Variants in WNK2 observed in about 807,000 individuals in gnomAD.
The protein encoded by WNK2 is WNK lysine deficient protein kinase 2, also known as serine/threonine-protein kinase WNK2.
Under a neutral mutation model 192.1 loss-of-function variants are expected in WNK2, and 67 were observed. The observed-to-expected ratio is 0.35, with a 90% CI of 0.29 to 0.43. The LOEUF (loss-of-function observed/expected upper bound fraction) is 0.43. WNK2 is among the 20% of genes least tolerant of loss of function. The probability of loss-of-function intolerance (pLI) is 1.00; values close to 1 mark genes in which losing one functional copy is unlikely to be tolerated. For synonymous variants in WNK2, 1,439 were observed against 1,393.9 expected (o/e 1.03, Z -0.72); for missense variants, 2,698 against 3,089.7 (o/e 0.87, Z 3.01).
chr9:93,198,268 C>CT (rs1369948334), intron 2 of WNK2, among the ~76,000 whole-genome samples: 1 of 152,246 alleles, frequency 6.6e-6, no homozygotes, highest in Non-Finnish European at 1.5e-5. Flanking sequence ...TGCCCCGCCT[C>CT]TGAGTTAGGT....
chr9:93,201,590 T>C (rs1832365417), intron 2 of WNK2, among the ~76,000 whole-genome samples: 1 of 152,156 alleles, frequency 6.6e-6, no homozygotes, highest in Admixed American at 6.5e-5. Flanking sequence ...CCAGGTTGGA[T>C]GTGTCTGAGG....
intron 2 of WNK2, among the ~76,000 whole-genome samples, chr9:93,190,082 C>T (rs1830054951): frequency 6.6e-6 from 1 of 152,250 alleles, no homozygotes; most frequent in Non-Finnish European, 1.5e-5. Flanking sequence ...TGGATGCCAG[C>T]ACTGAATTTG....
At position 93,289,525 on chromosome 9, in the gene WNK2, G is replaced by T; in HGVS notation, c.4771G>T (p.Asp1591Tyr). The T allele has an allele frequency of 6.3e-7, 1 of 1,597,622 alleles. No homozygotes were observed. The part of the protein sequence containing the change: ...RDFTLEPLRG[D>Y]QPRSEVCGGD... ...CTTCACCCTGGAGCCCCTGAGAGGG[G>T]ACCAGCCCCGCTCAGAGGTCTGCGG... Residue 1591 changes from aspartate to tyrosine, a missense_variant, in exon 20 of 30, where the codon GAC (aspartate) becomes TAC (tyrosine). By Grantham distance (160) the Asp-to-Tyr change is radical. Coordinates refer to ENST00000427277, the MANE Select transcript of WNK2 (RefSeq NM_006648.4).
In WNK2 at chr9:93,247,831, G is replaced by A; in HGVS notation, c.1831G>A (p.Ala611Thr). 1 of 1,537,018 alleles carries A rather than the reference G, an allele frequency of 6.5e-7. No individual in the cohort carries two copies. Among genetic ancestry groups the A allele is most frequent in the Non-Finnish European group, 8.7e-7 (1 of 1,147,040 alleles). Residue 611 changes from alanine (A) to threonine (T), a missense_variant, in exon 8 of 30, where the codon GCC becomes ACC. Physicochemically the swap from Ala to Thr is moderately conservative, Grantham distance 58. Coordinates refer to ENST00000427277, the MANE Select transcript of WNK2 (RefSeq NM_006648.4). The surrounding 1 kb of genome is among the most constrained non-coding windows in gnomAD (Gnocchi z 5.2). ...PTLPTSATSLASDSTFDSGQG... is the reference protein window; with the variant it reads ...PTLPTSATSLTSDSTFDSGQG... ...GTTGCCGACCAGCGCCACCTCCCTG[G>A]CCTGTGAGTGCTCAGGGGTGGGATG...
intron 16 of WNK2, among the ~76,000 whole-genome samples, chr9:93,265,284 A>G (rs1344315335): frequency 2.6e-5 from 4 of 152,196 alleles, no homozygotes; most frequent in Non-Finnish European, 5.9e-5. Context: ...AAAATAGCTA[A>G]GAGGAGACAT....
At chr9:93,234,607 A>G (rs1564051486) in intron 4 of WNK2, among the ~76,000 whole-genome samples, 1 of 152,126 alleles carries the variant, frequency 6.6e-6, no homozygotes, top group Non-Finnish European at 1.5e-5. Context: ...TCCAGGTGGA[A>G]CTTTTGGAAC....
intron 29 of WNK2, chr9:93,318,405 G>C: frequency 6.2e-7 from 1 of 1,614,088 alleles, no homozygotes; most frequent in Non-Finnish European, 8.5e-7. Flanking sequence ...GGCTCATCCA[G>C]GGGCTGAGAG....
rs182981894 is a variant in WNK2, at chr9:93,260,708, G to A, written c.3066+1094G>A. On this transcript the variant is annotated intron_variant, in intron 12 of 29. Transcript: ENST00000427277. ...AGGAAGGGATGGTACATATTGGATAGCAGGGTGGTGTTTGATTAGACAGTG... is the reference window on the plus strand; with the variant it reads ...AGGAAGGGATGGTACATATTGGATAACAGGGTGGTGTTTGATTAGACAGTG... Among the ~76,000 whole-genome samples the A allele has an allele frequency of 1.8e-3, 278 of 152,366 alleles. 1 individual carries two copies. The highest frequency in any genetic ancestry group is 5.9e-3 in the African/African-American group (247 of 41,586).
At chr9:93,290,092 G>C (rs940840263) in intron 21 of WNK2, 45 bp downstream of exon 21, 2 of 1,530,400 alleles carry the variant, frequency 1.3e-6, no homozygotes. Flanking sequence ...GTGCTGCCTG[G>C]CTTCCTTGCC....
intron 29 of WNK2, 28 bp from the exon 30 acceptor site, chr9:93,320,339 C>T (rs1855305500): frequency 7.3e-7 from 1 of 1,367,444 alleles, no homozygotes; most frequent in Non-Finnish European, 9.8e-7. Flanking sequence ...GGTGGGCCCA[C>T]AGTCAGCTGC....
At chr9:93,210,978 T>C (rs1467263304) in intron 2 of WNK2, among the ~76,000 whole-genome samples, 1 of 151,666 alleles carries the variant, frequency 6.6e-6, no homozygotes, top group African/African-American at 2.4e-5. Context: ...CTCCCTCCCT[T>C]CTTCACTGAC....
intron 8 of WNK2, among the ~76,000 whole-genome samples, chr9:93,250,115 A>G (rs1206245897): frequency 7.9e-5 from 12 of 151,900 alleles, no homozygotes; most frequent in Non-Finnish European, 1.6e-4. Flanking sequence ...ATAATACAAA[A>G]CAATAATAAA....
chr9:93,258,916 CTG>C lies in WNK2; in HGVS notation c.2383-11_2383-10del, dbSNP rs757157019. The C allele has an allele frequency of 6.2e-7, 1 of 1,603,112 alleles. No homozygotes were observed. Among genetic ancestry groups the C allele is most frequent in the South Asian group, 1.1e-5 (1 of 89,630 alleles). On this transcript the variant is annotated splice_polypyrimidine_tract_variant and intron_variant, in intron 11 of 29. Transcript: ENST00000427277. ...GGTTGGGGCCCACACTGACACACTC[CTG>C]TGTCTCTTTCAGATGCCCCCGATTC...
chr9:93,319,041 C>G, intron 29 of WNK2: 1 of 1,561,704 alleles, frequency 6.4e-7, no homozygotes, highest in Non-Finnish European at 8.7e-7. Flanking sequence ...TAAGAGATTT[C>G]TGTTCTCTGT....
chr9:93,232,964 CAAAA>C (rs71511650), intron 4 of WNK2, among the ~76,000 whole-genome samples: 4 of 81,976 alleles, frequency 4.9e-5, no homozygotes, highest in African/African-American at 1.5e-4. Flanking sequence ...CCTGTCTCTA[CAAAA>C]AAAAAAAAAA....
intron 10 of WNK2, 59 bp downstream of exon 10, chr9:93,256,513 C>T (rs1339315079): frequency 4.6e-5 from 66 of 1,446,760 alleles, no homozygotes; most frequent in Non-Finnish European, 5.3e-5. Flanking sequence ...CCTGTGCTGG[C>T]CCCTGGGCCC....
chr9:93,301,908 C>G (rs1015319852), intron 26 of WNK2, among the ~76,000 whole-genome samples: 5 of 152,212 alleles, frequency 3.3e-5, no homozygotes, highest in Admixed American at 1.3e-4. Context: ...TCCCCCAGTT[C>G]CCCCACACTC....
In WNK2 at chr9:93,227,228, C is replaced by T. The variant is rs139305108; in HGVS notation, c.682-2468C>T. Among the ~76,000 whole-genome samples the T allele has an allele frequency of 7.2e-3, 1,097 of 152,126 alleles. 13 individuals are homozygous for T. The highest frequency in any genetic ancestry group is 0.025 in the African/African-American group (1,048 of 41,498). ...TCCTGGGTTCATGCCATTCTCCTAC[C>T]TCAGCCTCCCGAGTAGCTGGGACTA... On this transcript the variant is annotated intron_variant, in intron 2 of 29. Coordinates refer to ENST00000427277, the MANE Select transcript of WNK2 (RefSeq NM_006648.4).
chr9:93,293,436 C>T (rs1849704561), intron 23 of WNK2, among the ~76,000 whole-genome samples: 1 of 152,026 alleles, frequency 6.6e-6, no homozygotes, highest in Admixed American at 6.5e-5. Context: ...TCTCCTCCCT[C>T]AGCCTCCCGA....
Sources: gnomAD v4.1 joint callset for allele counts (sites outside exome capture counted in the v4.1 genomes callset) on GRCh38, gnomAD v4.1.1 for gene constraint, Gnocchi (gnomAD v3.1) non-coding constraint, MANE v1.5 for transcripts, NCBI Gene and HGNC (gene_info 2026-07-23, HGNC 2026-07-21) for gene names.